The following ANKS1B variants were observed in gnomAD, a reference collection of about 807,000 sequenced individuals.
ANKS1B encodes the protein ankyrin repeat and sterile alpha motif domain-containing protein 1B.
ANKS1B carries 36 observed loss-of-function variants against 148.3 expected under a neutral mutation model. The observed-to-expected ratio is 0.24, with a 90% CI of 0.19 to 0.32. The LOEUF (loss-of-function observed/expected upper bound fraction) is 0.32. Ranked by LOEUF, ANKS1B falls within the 10% of genes least tolerant of loss-of-function variation. ANKS1B has a pLI of 1.00. For synonymous variants in ANKS1B, 542 were observed against 560.8 expected, an observed-to-expected ratio of 0.97 and a Z score of 0.47; for missense variants, 1,157 against 1,542.6, an observed-to-expected ratio of 0.75 and a Z score of 4.19.
At chr12:99,826,069 A>G (rs1432112953) in intron 1 of ANKS1B, among the ~76,000 whole-genome samples, 1 of 152,172 alleles carries the variant, frequency 6.6e-6, no homozygotes, top group Non-Finnish European at 1.5e-5. Context: ...ACTTTTGGAA[A>G]ATAAGGCACT....
At chr12:99,757,729 G>A (rs1238693359) in intron 8 of ANKS1B, among the ~76,000 whole-genome samples, 1 of 151,876 alleles carries the variant, frequency 6.6e-6, no homozygotes, top group Non-Finnish European at 1.5e-5. Context: ...AATATGTGGT[G>A]CATATATATA....
chr12:99,919,797 T>A, intron 1 of ANKS1B, among the ~76,000 whole-genome samples: 1 of 106,358 alleles, frequency 9.4e-6, no homozygotes, highest in Non-Finnish European at 2.1e-5. Context: ...AAAAAAAACC[T>A]GGATTTCAAA....
intron 1 of ANKS1B, among the ~76,000 whole-genome samples, chr12:99,890,569 TGGTGTGTGTGTGTGTGTG>T (rs1175466779): frequency 5.0e-4 from 58 of 115,676 alleles, no homozygotes; most frequent in African/African-American, 1.8e-3. Context: ...CTCGCATTCA[TGGTGTGTGTGTGTGTGTG>T]TGTGTGTGTG....
chr12:98,969,279 G>T (rs2099881203), intron 17 of ANKS1B, among the ~76,000 whole-genome samples: 1 of 152,166 alleles, frequency 6.6e-6, no homozygotes, highest in African/African-American at 2.4e-5. Flanking sequence ...ATCTCCACAG[G>T]CCCAGGAAGA....
At chr12:98,796,240 G>C (rs1319274510) in intron 22 of ANKS1B, among the ~76,000 whole-genome samples, 1 of 152,200 alleles carries the variant, frequency 6.6e-6, no homozygotes, top group African/African-American at 2.4e-5. Flanking sequence ...ATTACTGGGA[G>C]AGACATTTTC....
intron 17 of ANKS1B, among the ~76,000 whole-genome samples, chr12:98,908,450 A>G (rs2099782383): frequency 6.6e-6 from 1 of 152,198 alleles, no homozygotes. Flanking sequence ...TATACAAGGT[A>G]GGGTTTATAC....
intron 10 of ANKS1B, among the ~76,000 whole-genome samples, chr12:99,482,194 T>G (rs963592385): frequency 6.6e-6 from 1 of 151,984 alleles, no homozygotes; most frequent in Non-Finnish European, 1.5e-5. Context: ...CCATCTTGAG[T>G]TGATTTTTAT....
chr12:99,661,014 C>T (rs1292069473), intron 8 of ANKS1B, among the ~76,000 whole-genome samples: 1 of 152,008 alleles, frequency 6.6e-6, no homozygotes, highest in Admixed American at 6.6e-5. Flanking sequence ...CGAAAGCCCA[C>T]CAAGAGTTTT....
chr12:99,980,082 A>C (rs2095677418), intron 1 of ANKS1B, among the ~76,000 whole-genome samples: 1 of 151,980 alleles, frequency 6.6e-6, no homozygotes, highest in Admixed American at 6.5e-5. Context: ...TCAGATAAAA[A>C]GGAACAGGAA....
intron 12 of ANKS1B, among the ~76,000 whole-genome samples, chr12:99,398,842 C>T (rs941494675): frequency 1.1e-4 from 16 of 152,114 alleles, no homozygotes; most frequent in African/African-American, 3.9e-4. Flanking sequence ...TTTTGTAAAA[C>T]CTCTATCCGT....
In ANKS1B at chr12:99,870,805, T is replaced by C. The variant is rs139687233; in HGVS notation, c.135-45416A>G. On this transcript the variant is annotated intron_variant, in intron 1 of 26. Coordinates refer to ENST00000683438, the MANE Select transcript of ANKS1B (RefSeq NM_001352186.2). ...CTTTTTGAAATGTTTAAGTTCCTTA[T>C]AGATTTTGGATATTAAACATTTGTC... 4.0e-3 allele frequency among the ~76,000 whole-genome samples: 614 copies of C among 152,344 alleles called. 4 individuals carry two copies. Among genetic ancestry groups the C allele is most frequent in the African/African-American group, 0.014 (578 of 41,582 alleles).
intron 10 of ANKS1B, among the ~76,000 whole-genome samples, chr12:99,448,212 G>A (rs527517488): frequency 6.6e-6 from 1 of 152,168 alleles, no homozygotes; most frequent in East Asian, 1.9e-4. Flanking sequence ...ATTAAGAGAT[G>A]AATGGATAAA....
chr12:99,185,830 C>T (rs998055332), intron 14 of ANKS1B, among the ~76,000 whole-genome samples: 3 of 152,222 alleles, frequency 2.0e-5, no homozygotes, highest in Non-Finnish European at 4.4e-5. Context: ...TGGGCAGACA[C>T]CGAGTTAGCT....
chr12:99,329,012 A>G (rs2086997649), intron 12 of ANKS1B, among the ~76,000 whole-genome samples: 1 of 151,954 alleles, frequency 6.6e-6, no homozygotes, highest in Non-Finnish European at 1.5e-5. Flanking sequence ...GAAAACTTGA[A>G]AACATGGCAA....
chr12:99,592,384 T>C (rs1171904426), intron 9 of ANKS1B, among the ~76,000 whole-genome samples: 1 of 151,864 alleles, frequency 6.6e-6, no homozygotes, highest in Non-Finnish European at 1.5e-5. Flanking sequence ...AACTGACCAT[T>C]AGGTCACTAT....
At chr12:99,306,006 T>C (rs990746486) in intron 12 of ANKS1B, among the ~76,000 whole-genome samples, 1 of 152,142 alleles carries the variant, frequency 6.6e-6, no homozygotes, top group Non-Finnish European at 1.5e-5. Context: ...GGATGCTTTT[T>C]ACTTTCATAA....
At chr12:98,855,727 G>A (rs1020519198) in intron 17 of ANKS1B, among the ~76,000 whole-genome samples, 2 of 152,058 alleles carry the variant, frequency 1.3e-5, no homozygotes, top group Non-Finnish European at 1.5e-5. Flanking sequence ...ATGGGAATGC[G>A]AAAATCAAAC....
chr12:99,423,675 A>G (rs568452377), intron 11 of ANKS1B, among the ~76,000 whole-genome samples: 1 of 152,302 alleles, frequency 6.6e-6, no homozygotes, highest in African/African-American at 2.4e-5. Flanking sequence ...GAATGAGATC[A>G]TGTCCTTTGC....
At chr12:99,435,997 T>A (rs557350509) in intron 11 of ANKS1B, among the ~76,000 whole-genome samples, 2 of 152,186 alleles carry the variant, frequency 1.3e-5, no homozygotes, top group South Asian at 2.1e-4. Context: ...AATCGCTCTT[T>A]GTTTTACTTA....
Sources: allele counts gnomAD v4.1 joint callset (sites outside exome capture counted in the v4.1 genomes callset), GRCh38; gene constraint gnomAD v4.1.1; transcripts MANE v1.5; gene names NCBI Gene and HGNC (gene_info 2026-07-23, HGNC 2026-07-21).